Variants in PRL observed in about 807,000 individuals in gnomAD.
PRL encodes the protein prolactin, also known as decidual prolactin.
In PRL, 24 loss-of-function variants were observed where a neutral mutation model predicts 21.3. The observed-to-expected ratio is 1.13, with a 90% CI of 0.82 to 1.59. The LOEUF (loss-of-function observed/expected upper bound fraction) is 1.59, where lower values mean the gene tolerates loss of function less well. PRL is among the 40% of genes most tolerant of loss of function. The probability of loss-of-function intolerance (pLI) is 0.00; values close to 1 mark genes in which losing one functional copy is unlikely to be tolerated. For synonymous variants in PRL, 118 were observed against 115.7 expected, an observed-to-expected ratio of 1.02 and a Z score of -0.13; for missense variants, 243 against 286.9, an observed-to-expected ratio of 0.85 and a Z score of 1.10.
Position 22,290,319 on chromosome 6 carries a change from A to T in PRL, c.347T>A (p.Leu116Ter). 6.2e-7 allele frequency: 1 copy of T among 1,607,178 alleles called. No individual in the cohort carries two copies. Among genetic ancestry groups the T allele is most frequent in the Non-Finnish European group, 8.5e-7 (1 of 1,175,288 alleles). Residue 116 changes from leucine to a stop codon, truncating the protein, a stop_gained, in exon 4 of 5, where the codon TTG becomes TAG. Transcript: ENST00000306482. LOFTEE classifies it high-confidence loss of function. ...ATACAGAGGCTCATTCCAGGATCGCAATATGCTGACTATCAGGCTCAGAAA... is the reference window on the plus strand; with the variant it reads ...ATACAGAGGCTCATTCCAGGATCGCTATATGCTGACTATCAGGCTCAGAAA... ...KDFLSLIVSILRSWNEPLYHL... is the reference protein window; with the variant it reads ...KDFLSLIVSI
chr6:22,293,783 AGAAG>A (rs961352766), intron 2 of PRL, among the ~76,000 whole-genome samples: 2 of 129,050 alleles, frequency 1.5e-5, no homozygotes, highest in African/African-American at 2.9e-5. Context: ...AGGGAAGGGA[AGAAG>A]GAAGGAAGGA....
rs1312920132 is a variant in PRL at position 22,294,497 on chromosome 6, C to T, written c.116G>A (p.Cys39Tyr). ...AAACAGGTCTCGAAGGGTCACCTGG[C>T]ATCGGGCAGCCCCGCCGGGACAGAT... is the stretch of plus-strand genomic sequence containing the variant. Reference protein sequence around the residue: ...LPICPGGAARCQVTLRDLFDR... With the variant: ...LPICPGGAARYQVTLRDLFDR... The change falls in exon 2 of 5, where the codon TGC (cysteine) becomes TAC (tyrosine). Residue 39 changes from cysteine to tyrosine, a missense_variant. Physicochemically the swap from Cys to Tyr is radical, Grantham distance 194 (BLOSUM62 -2). Transcript: ENST00000306482. The T allele has an allele frequency of 1.1e-5, 18 of 1,614,048 alleles. No homozygotes were observed. Among genetic ancestry groups the T allele is most frequent in the Non-Finnish European group, 1.5e-5 (18 of 1,180,034 alleles).
intron 2 of PRL, among the ~76,000 whole-genome samples, chr6:22,292,896 T>G (rs1761085777): frequency 6.6e-6 from 1 of 152,224 alleles, no homozygotes; most frequent in South Asian, 2.1e-4. Context: ...CCCTTGTTGT[T>G]TACTTTTACC....
rs372157134 is a variant in PRL, at chr6:22,292,674, T to C, written c.205-29A>G. The C allele has an allele frequency of 2.6e-6, 4 of 1,566,416 alleles. No individual in the cohort carries two copies. The African/African-American group carries it at 5.4e-5, about 21-fold the overall frequency. ...GAAATGATGAGACAAATTCAATTAG[T>C]TGGGGTTGTTTGGGCATTGAATAAA... On this transcript the variant is annotated intron_variant, in intron 2 of 4. Transcript: ENST00000306482.
chr6:22,289,474 T>G (rs1339970660), intron 4 of PRL, among the ~76,000 whole-genome samples: 2 of 152,218 alleles, frequency 1.3e-5, no homozygotes, highest in Non-Finnish European at 2.9e-5. Flanking sequence ...ACAGATTATT[T>G]GGGGGAGATT....
intron 4 of PRL, 95 bp downstream of exon 4, chr6:22,290,079 C>G: frequency 1.6e-6 from 2 of 1,266,558 alleles, no homozygotes; most frequent in Middle Eastern, 2.4e-4. Context: ...TATGGAATGC[C>G]TAAATTTCCT....
intron 1 of PRL, among the ~76,000 whole-genome samples, chr6:22,296,362 T>C (rs919623952): frequency 6.6e-6 from 1 of 152,266 alleles, no homozygotes. Flanking sequence ...TGAAATGTCA[T>C]TTGGCTTGAA....
Position 22,292,631 on chromosome 6 carries a change from G to A in PRL, c.219C>T (p.Thr73=), listed in dbSNP as rs756277271. Residue 73 remains threonine, a synonymous_variant, in exon 3 of 5, where the codon ACC becomes ACT. Transcript: ENST00000306482. ...EMFSEFDKRY[T]HGRGFITKAI... ...CCTTGGTAATGAACCCCCGGCCATG[G>A]GTATACCGTTTATCCTGGAAATGAT... 1.5e-5 allele frequency: 25 copies of A among 1,613,452 alleles called. No individual in the cohort carries two copies. In the South Asian group the frequency reaches 2.5e-4, roughly 16 times the overall value.
chr6:22,302,175 G>T (rs770440889), upstream of PRL, among the ~76,000 whole-genome samples: 5 of 152,160 alleles, frequency 3.3e-5, no homozygotes, highest in South Asian at 1.0e-3. Context: ...TATCAGTTAC[G>T]ATTTCAACAA....
chr6:22,296,909 C>T, intron 1 of PRL, 46 bp downstream of exon 1: 2 of 1,594,750 alleles, frequency 1.3e-6, no homozygotes, highest in Non-Finnish European at 1.7e-6. Context: ...AATCCCCCCA[C>T]AGGAGTGTTG....
chr6:22,289,825 C>T, intron 4 of PRL, among the ~76,000 whole-genome samples: 1 of 152,134 alleles, frequency 6.6e-6, no homozygotes, highest in Non-Finnish European at 1.5e-5. Flanking sequence ...AAAGAATTTT[C>T]AATAGTGGGT....
At position 22,294,854 on chromosome 6, in the gene PRL, T is replaced by G. The variant is rs1761141822; in HGVS notation, c.29-270A>C. Reference sequence around the variant, plus strand: ...AAGTGCTTCTGTACTTTCCAAACATTTGGAGCTTAAATTAATTCTGAGCTA... The same window carrying G: ...AAGTGCTTCTGTACTTTCCAAACATGTGGAGCTTAAATTAATTCTGAGCTA... On this transcript the variant is annotated intron_variant, in intron 1 of 4. Coordinates refer to ENST00000306482, the MANE Select transcript of PRL (RefSeq NM_000948.6). Among the ~76,000 whole-genome samples, 3 of 152,334 alleles carry G rather than the reference T, an allele frequency of 2.0e-5. No individual in the cohort carries two copies. In the South Asian group the frequency reaches 6.2e-4, roughly 32 times the overall value.
rs1287956226 is a variant in PRL, at chr6:22,293,629, A to AGGAG, written c.204+779_204+780insCTCC. The stretch of plus-strand genomic sequence containing the variant: ...AAGGAAGGGAGGAGGGAAGGAGGGA[A>AGGAG]GGAAGGAAGGAAGGAAGGAAGGAAG... On this transcript the variant is annotated intron_variant, in intron 2 of 4. Transcript: ENST00000306482. Among the ~76,000 whole-genome samples, 312 of 49,512 alleles carry AGGAG rather than the reference A, an allele frequency of 6.3e-3. 2 individuals carry two copies. Among genetic ancestry groups the AGGAG allele is most frequent in the East Asian group, 0.023 (37 of 1,602 alleles). The allele number at this position is 49,512 out of a possible 152,430, so 32.5% of individuals were successfully genotyped here. A position where few individuals can be genotyped will look rare whatever the true frequency, so the allele number is the denominator to read the frequency against.
intron 4 of PRL, 68 bp from the exon 5 acceptor site, chr6:22,287,661 A>C (rs1760951893): frequency 1.1e-5 from 15 of 1,325,984 alleles, no homozygotes; most frequent in Non-Finnish European, 1.5e-5. Context: ...TGTTCTTTCT[A>C]ACTGTTGAAT....
intron 2 of PRL, among the ~76,000 whole-genome samples, chr6:22,293,646 G>C (rs1419306808): frequency 1.9e-5 from 1 of 53,436 alleles, no homozygotes; most frequent in Non-Finnish European, 4.0e-5. Context: ...AAGGAAGGAA[G>C]GAAGGAAGGA....
intron 1 of PRL, among the ~76,000 whole-genome samples, chr6:22,302,720 T>C (rs1206304918): frequency 2.6e-5 from 4 of 152,136 alleles, no homozygotes; most frequent in Non-Finnish European, 5.9e-5. Flanking sequence ...AGGAGTATGA[T>C]CTGAAATGAC....
At chr6:22,289,419 C>T (rs1761000950) in intron 4 of PRL, among the ~76,000 whole-genome samples, 1 of 152,166 alleles carries the variant, frequency 6.6e-6, no homozygotes. Flanking sequence ...ATTATCCCAT[C>T]TGAATGGAGA....
At chr6:22,292,409 G>A in intron 3 of PRL, 129 bp downstream of exon 3, 1 of 835,340 alleles carries the variant, frequency 1.2e-6, no homozygotes, top group Non-Finnish European at 1.9e-6. Flanking sequence ...GTAATTTTTT[G>A]ACTGCTTATT....
chr6:22,290,330 T>A lies in PRL; in HGVS notation c.336A>T (p.Ile112=). ...QMNQKDFLSL[I]VSILRSWNEP... Reference sequence around the variant, plus strand: ...CATTCCAGGATCGCAATATGCTGACTATCAGGCTCAGAAAGTCTTTTTGCT... The same window carrying A: ...CATTCCAGGATCGCAATATGCTGACAATCAGGCTCAGAAAGTCTTTTTGCT... The change falls in exon 4 of 5, where the codon ATA becomes ATT. Residue 112 remains isoleucine, a synonymous_variant. Transcript: ENST00000306482. The A allele has an allele frequency of 6.3e-7, 1 of 1,599,694 alleles. No individual in the cohort carries two copies. The highest frequency in any genetic ancestry group is 8.5e-7 in the Non-Finnish European group (1 of 1,169,930).
Sources: allele counts gnomAD v4.1 joint callset (sites outside exome capture counted in the v4.1 genomes callset), GRCh38; gene constraint gnomAD v4.1.1; transcripts MANE v1.5; gene names NCBI Gene and HGNC (gene_info 2026-07-23, HGNC 2026-07-21).